Variants in KLHL20 observed in about 807,000 individuals in gnomAD.
KLHL20 encodes the protein kelch-like protein 20.
A neutral mutation model predicts 69.5 loss-of-function variants in KLHL20; 29 were observed. The observed-to-expected ratio is 0.42, with a 90% CI of 0.31 to 0.57. The LOEUF (loss-of-function observed/expected upper bound fraction) is 0.57, where lower values mean the gene tolerates loss of function less well. Ranked by LOEUF, KLHL20 falls within the 20% of genes least tolerant of loss-of-function variation. KLHL20 has a pLI of 0.18. For missense variants in KLHL20, 419 were observed against 776.0 expected (o/e 0.54, Z 5.47); for synonymous variants, 253 against 265.2 (o/e 0.95, Z 0.45).
chr1:173,761,661 T>C (rs898688378), intron 7 of KLHL20, among the ~76,000 whole-genome samples: 1 of 152,166 alleles, frequency 6.6e-6, no homozygotes, highest in Non-Finnish European at 1.5e-5. Flanking sequence ...GAAATCAAGA[T>C]GGAAATTTAA....
At chr1:173,770,755 G>A (rs959349480) in intron 8 of KLHL20, among the ~76,000 whole-genome samples, 1 of 150,864 alleles carries the variant, frequency 6.6e-6, no homozygotes, top group Non-Finnish European at 1.5e-5. Context: ...TTGAAAATAG[G>A]TAAAAATCTA....
At chr1:173,718,028 T>C (rs1279716101) in intron 2 of KLHL20, among the ~76,000 whole-genome samples, 1 of 152,172 alleles carries the variant, frequency 6.6e-6, no homozygotes, top group Non-Finnish European at 1.5e-5. Context: ...CAGTTTCTTA[T>C]GCATTCTTTT....
intron 3 of KLHL20, among the ~76,000 whole-genome samples, chr1:173,749,443 A>G (rs1451262099): frequency 6.6e-6 from 1 of 152,202 alleles, no homozygotes; most frequent in Non-Finnish European, 1.5e-5. Context: ...ATTTAAGAGT[A>G]GATATTGTGA....
intron 3 of KLHL20, among the ~76,000 whole-genome samples, chr1:173,745,285 C>T (rs1673003719): frequency 6.7e-6 from 1 of 149,382 alleles, no homozygotes; most frequent in African/African-American, 2.5e-5. Context: ...GCCTCAGCTT[C>T]CCGGGAAGCT....
At chr1:173,737,446 C>A (rs1672589083) in intron 3 of KLHL20, among the ~76,000 whole-genome samples, 2 of 152,206 alleles carry the variant, frequency 1.3e-5, no homozygotes, top group African/African-American at 4.8e-5. Flanking sequence ...ATGTGGCTTG[C>A]CAATTATCCC....
chr1:173,751,863 A>G lies in KLHL20; in HGVS notation c.697A>G (p.Asn233Asp). ...CGTTCGCAGTGAAGAACAAGTGTTC[A>G]ATGCAGTGATGGCCTGGGTCAAATA... is the stretch of plus-strand genomic sequence containing the variant. ...LNVRSEEQVF[N>D]AVMAWVKYSI... The change falls in exon 4 of 12, where the codon AAT (asparagine) becomes GAT (aspartate). Residue 233 changes from asparagine (N) to aspartate (D), a missense_variant. Around this residue, in one of 6 missense-constraint regions of KLHL20, gnomAD observed 99 missense variants for 240.7 expected, o/e 0.41. Transcript: ENST00000209884. The G allele has an allele frequency of 6.2e-7, 1 of 1,614,148 alleles. No homozygotes were observed. Among genetic ancestry groups the G allele is most frequent in the Non-Finnish European group, 8.5e-7 (1 of 1,179,998 alleles).
intron 10 of KLHL20, among the ~76,000 whole-genome samples, chr1:173,778,886 T>A (rs1648662367): frequency 6.6e-6 from 1 of 152,180 alleles, no homozygotes; most frequent in African/African-American, 2.4e-5. Context: ...TTGTTGATTT[T>A]GTTTATCTTT....
Position 173,757,151 on chromosome 1 carries a change from T to C in KLHL20, c.1143T>C (p.Ser381=). ...GGHDGSSYLN[S]VERYDPKTNQ... ...ATGATGGATCCTCTTATCTCAATAG[T>C]GTTGAAAGGTGAGTAAGGTCAATCT... Residue 381 remains serine (S), a synonymous_variant, in exon 7 of 12, where the codon AGT becomes AGC. Coordinates refer to ENST00000209884, the MANE Select transcript of KLHL20 (RefSeq NM_014458.4). 1 of 1,607,872 alleles carries C rather than the reference T, an allele frequency of 6.2e-7. No homozygotes were observed.
chr1:173,748,850 A>G (rs1673185293), intron 3 of KLHL20, among the ~76,000 whole-genome samples: 1 of 152,154 alleles, frequency 6.6e-6, no homozygotes, highest in Non-Finnish European at 1.5e-5. Flanking sequence ...TGAGTATATA[A>G]TTTATCAGAA....
intron 9 of KLHL20, 81 bp from the exon 10 acceptor site, chr1:173,775,553 A>G (rs150333592): frequency 8.7e-7 from 1 of 1,151,466 alleles, no homozygotes; most frequent in African/African-American, 1.5e-5. Context: ...TGTTATCACA[A>G]AGTATCAGTG....
chr1:173,758,894 T>G (rs991794089), intron 7 of KLHL20, among the ~76,000 whole-genome samples: 9 of 152,160 alleles, frequency 5.9e-5, no homozygotes, highest in African/African-American at 1.4e-4. Flanking sequence ...CAAGGTAGGG[T>G]GCAAATCCTG....
intron 2 of KLHL20, among the ~76,000 whole-genome samples, chr1:173,724,865 A>C (rs1362210034): frequency 6.6e-6 from 1 of 152,196 alleles, no homozygotes; most frequent in Non-Finnish European, 1.5e-5. Flanking sequence ...AAACATAATA[A>C]AAGTATTTTA....
chr1:173,771,158 A>C (rs1255464542), intron 8 of KLHL20, among the ~76,000 whole-genome samples: 1 of 152,246 alleles, frequency 6.6e-6, no homozygotes, highest in Admixed American at 6.5e-5. Context: ...GGGCACAGAC[A>C]ACTATTAACA....
At chr1:173,747,313 C>T (rs1673107925) in intron 3 of KLHL20, among the ~76,000 whole-genome samples, 1 of 151,912 alleles carries the variant, frequency 6.6e-6, no homozygotes, top group East Asian at 1.9e-4. Context: ...CTCTTTATAT[C>T]ATCTATAGGT....
intron 3 of KLHL20, among the ~76,000 whole-genome samples, chr1:173,744,239 A>C (rs1233518321): frequency 1.3e-5 from 2 of 152,180 alleles, no homozygotes; most frequent in African/African-American, 4.8e-5. Flanking sequence ...CTTCTCTGAA[A>C]ATAACTAAAG....
At chr1:173,759,167 G>C (rs1030238147) in intron 7 of KLHL20, among the ~76,000 whole-genome samples, 1 of 151,988 alleles carries the variant, frequency 6.6e-6, no homozygotes, top group African/African-American at 2.4e-5. Flanking sequence ...AATCTTCCTA[G>C]GTACACAACT....
chr1:173,721,728 C>A (rs1671725315), intron 2 of KLHL20, among the ~76,000 whole-genome samples: 2 of 152,160 alleles, frequency 1.3e-5, no homozygotes, highest in Admixed American at 6.6e-5. Flanking sequence ...AATAGCTTGG[C>A]CTTCTGGTGT....
chr1:173,745,560 A>G (rs894876688), intron 3 of KLHL20, among the ~76,000 whole-genome samples: 16 of 152,168 alleles, frequency 1.1e-4, no homozygotes, highest in Non-Finnish European at 1.8e-4. Context: ...TCATTAATGT[A>G]TATGAAAGCT....
intron 10 of KLHL20, among the ~76,000 whole-genome samples, chr1:173,780,258 C>T (rs918410215): frequency 1.3e-5 from 2 of 152,178 alleles, no homozygotes; most frequent in African/African-American, 4.8e-5. Flanking sequence ...GGCATGATTC[C>T]TCTCCTTAAG....
Sources: allele counts gnomAD v4.1 joint callset (sites outside exome capture counted in the v4.1 genomes callset), GRCh38; gene constraint gnomAD v4.1.1; regional missense constraint gnomAD v4.1.1; transcripts MANE v1.5; gene names NCBI Gene and HGNC (gene_info 2026-07-23, HGNC 2026-07-21).